The following PTPRT variants were observed in gnomAD, a reference collection of about 807,000 sequenced individuals.
The protein encoded by PTPRT is protein tyrosine phosphatase receptor type T, also known as receptor-type tyrosine-protein phosphatase T.
A neutral mutation model predicts 176.8 loss-of-function variants in PTPRT; 56 were observed. The observed-to-expected ratio is 0.32, with a 90% confidence interval of 0.26 to 0.40. The LOEUF is 0.40. Among genes scored for constraint, PTPRT ranks in the 10% least tolerant of loss-of-function variants. PTPRT has a pLI of 1.00. For synonymous variants in PTPRT, 783 were observed against 739.0 expected (o/e 1.06, Z -0.96); for missense variants, 1,540 against 1,908.2 (o/e 0.81, Z 3.60).
At chr20:42,897,803 G>A (rs765530465) in intron 1 of PTPRT, among the ~76,000 whole-genome samples, 7 of 152,114 alleles carry the variant, frequency 4.6e-5, no homozygotes, top group Non-Finnish European at 7.4e-5. Flanking sequence ...GTAAAACTAG[G>A]ATAATAGTGC....
At chr20:42,315,322 C>A (rs1166047601) in intron 12 of PTPRT, among the ~76,000 whole-genome samples, 1 of 151,478 alleles carries the variant, frequency 6.6e-6, no homozygotes, top group Non-Finnish European at 1.5e-5. Context: ...TAGTGCATTC[C>A]TAGATAGCAA....
chr20:42,408,384 G>GTATGTACACACATA (rs2058980964), intron 9 of PTPRT, among the ~76,000 whole-genome samples: 1 of 152,042 alleles, frequency 6.6e-6, no homozygotes, highest in Non-Finnish European at 1.5e-5. Context: ...TAAAACCCGT[G>GTATGTACACACATA]CGTGTGTGTG....
intron 1 of PTPRT, among the ~76,000 whole-genome samples, chr20:43,076,134 C>T (rs1459958394): frequency 1.3e-5 from 2 of 151,798 alleles, no homozygotes; most frequent in Admixed American, 6.6e-5. Context: ...TAATAGTGAC[C>T]ACAGTATAAC....
chr20:43,039,365 AAC>A (rs892093134), intron 1 of PTPRT, among the ~76,000 whole-genome samples: 5 of 76,840 alleles, frequency 6.5e-5, no homozygotes, highest in African/African-American at 6.5e-4. Flanking sequence ...ATAAAAAAAA[AAC>A]CACAAAATCT....
Position 42,493,634 on chromosome 20 carries a change from C to T in PTPRT, c.1154-21072G>A, listed in dbSNP as rs79965620. On this transcript the variant is annotated intron_variant, in intron 7 of 30. Transcript: ENST00000373187. ...AATCACAATGCTAGACTTTGATCTT[C>T]CACACTGAACCGGGGACTTTATAGA... Among the ~76,000 whole-genome samples, 1,314 of 152,198 alleles carry T rather than the reference C, an allele frequency of 8.6e-3. 18 individuals carry two copies. The highest frequency in any genetic ancestry group is 0.031 in the African/African-American group (1,274 of 41,520).
At position 42,507,398 on chromosome 20, in the gene PTPRT, T is replaced by A. The variant is rs117770504; in HGVS notation, c.1154-34836A>T. On this transcript the variant is annotated intron_variant, in intron 7 of 30. Coordinates refer to ENST00000373187, the MANE Select transcript of PTPRT (RefSeq NM_007050.6). ...CATATGTCACTTACACTCACACGGA[T>A]GCACCCAACCCAAGAAGGGAGAAGC... Among the ~76,000 whole-genome samples, 21 of 152,110 alleles carry A rather than the reference T, an allele frequency of 1.4e-4. No individual in the cohort carries two copies. The East Asian group carries it at 2.1e-3, about 15-fold the overall frequency.
chr20:43,034,234 T>A (rs755916096), intron 1 of PTPRT, among the ~76,000 whole-genome samples: 3 of 152,156 alleles, frequency 2.0e-5, no homozygotes, highest in Non-Finnish European at 4.4e-5. Flanking sequence ...AGCTTCTCAG[T>A]ACAAGAGCCC....
At chr20:42,447,358 A>G (rs1443485305) in intron 9 of PTPRT, among the ~76,000 whole-genome samples, 1 of 152,118 alleles carries the variant, frequency 6.6e-6, no homozygotes. Context: ...TACCAAAGGT[A>G]ACTCAGGAAA....
intron 7 of PTPRT, among the ~76,000 whole-genome samples, chr20:42,481,104 C>T (rs2071376878): frequency 6.6e-6 from 1 of 151,486 alleles, no homozygotes; most frequent in Non-Finnish European, 1.5e-5. Context: ...TCTGTTGCAT[C>T]TTTCCATCTC....
intron 2 of PTPRT, among the ~76,000 whole-genome samples, chr20:42,800,590 C>T (rs1324067140): frequency 1.3e-5 from 2 of 152,144 alleles, no homozygotes; most frequent in African/African-American, 4.8e-5. Context: ...CTTCACACAT[C>T]CGTTGGCATG....
At chr20:42,051,019 C>T in the PTPRT span, among the ~76,000 whole-genome samples, 37 of 152,346 alleles carry the variant, frequency 2.4e-4, no homozygotes, top group South Asian at 7.5e-3. Flanking sequence ...AAAGATAGCT[C>T]ATGTAGCTGC....
intron 15 of PTPRT, among the ~76,000 whole-genome samples, chr20:42,213,674 G>A (rs2055699612): frequency 6.6e-6 from 1 of 152,176 alleles, no homozygotes; most frequent in Non-Finnish European, 1.5e-5. Context: ...TGCACTGGAA[G>A]AATGCCACAT....
chr20:42,479,751 C>G (rs1159385956), intron 7 of PTPRT, among the ~76,000 whole-genome samples: 1 of 152,192 alleles, frequency 6.6e-6, no homozygotes, highest in Non-Finnish European at 1.5e-5. Context: ...GGGAATATTT[C>G]AAATTTCAGA....
intron 11 of PTPRT, among the ~76,000 whole-genome samples, chr20:42,334,957 T>G (rs2058020202): frequency 6.6e-6 from 1 of 152,066 alleles, no homozygotes; most frequent in African/African-American, 2.4e-5. Flanking sequence ...AGCATAGAAA[T>G]CCACAAGGAA....
chr20:42,826,004 C>T (rs1405892342), intron 2 of PTPRT, among the ~76,000 whole-genome samples: 2 of 152,002 alleles, frequency 1.3e-5, no homozygotes, highest in African/African-American at 4.8e-5. Context: ...CCCACAAAAC[C>T]CCCTTTGACA....
chr20:42,947,059 G>C (rs925018676), intron 1 of PTPRT, among the ~76,000 whole-genome samples: 12 of 152,136 alleles, frequency 7.9e-5, no homozygotes, highest in Non-Finnish European at 1.5e-5. Context: ...GAGAAGTGCA[G>C]GTATGGGATT....
chr20:43,094,719 AG>A (rs924658583), intron 1 of PTPRT, among the ~76,000 whole-genome samples: 3 of 151,976 alleles, frequency 2.0e-5, no homozygotes, highest in African/African-American at 7.3e-5. Context: ...TTATCACCTT[AG>A]GTGTTTATTG....
intron 17 of PTPRT, among the ~76,000 whole-genome samples, chr20:42,147,949 C>G (rs535892439): frequency 2.0e-5 from 3 of 151,066 alleles, no homozygotes; most frequent in Admixed American, 1.3e-4. Flanking sequence ...TCTCTTGAAG[C>G]AAAAAAAATA....
chr20:42,671,442 G>T (rs1169136535), intron 7 of PTPRT, among the ~76,000 whole-genome samples: 2 of 152,202 alleles, frequency 1.3e-5, no homozygotes, highest in African/African-American at 4.8e-5. Context: ...AAAGTCTGCT[G>T]TTGGGGATGT....
Sources: gnomAD v4.1 joint callset for allele counts (sites outside exome capture counted in the v4.1 genomes callset) on GRCh38, gnomAD v4.1.1 for gene constraint, MANE v1.5 for transcripts, NCBI Gene and HGNC (gene_info 2026-07-23, HGNC 2026-07-21) for gene names.